TBP: variants seen among roughly 807,000 people sequenced by gnomAD.
The protein encoded by TBP is TATA-box-binding protein.
A neutral mutation model predicts 46.2 loss-of-function variants in TBP; 12 were observed. The observed-to-expected ratio is 0.26, with a 90% CI of 0.17 to 0.42. TBP has a LOEUF of 0.42. Ranked by LOEUF, TBP falls within the 10% of genes least tolerant of loss-of-function variation. The probability of loss-of-function intolerance (pLI) is 1.00; values close to 1 mark genes in which losing one functional copy is unlikely to be tolerated. For synonymous variants in TBP, 157 were observed against 148.3 expected, an observed-to-expected ratio of 1.06 and a Z score of -0.42; for missense variants, 229 against 403.1, an observed-to-expected ratio of 0.57 and a Z score of 3.70.
At chr6:170,571,558 C>G (rs1370256764) in intron 7 of TBP, 54 bp downstream of exon 7, 5 of 1,376,836 alleles carry the variant, frequency 3.6e-6, no homozygotes, top group Non-Finnish European at 5.2e-6. Flanking sequence ...TTGAGTATGG[C>G]ATTTTCTCAG....
chr6:170,566,851 G>A, intron 4 of TBP, 67 bp from the exon 5 acceptor site: 1 of 1,407,562 alleles, frequency 7.1e-7, no homozygotes, highest in East Asian at 2.3e-5. Context: ...TTGTCAATGG[G>A]TGGTTCGCCT....
rs773452147 is a variant in TBP, at chr6:170,572,315, A to T, written c.*50A>T. On this transcript the variant is annotated 3_prime_UTR_variant, in exon 8 of 8. Coordinates refer to ENST00000392092, the MANE Select transcript of TBP (RefSeq NM_003194.5). ...CCCACCCCCTTCTTTTTTTTTTTTT[A>T]AACAAATCAGTTTGTTTTGGTACCT... 182 of 1,269,016 alleles carry T rather than the reference A, an allele frequency of 1.4e-4. No homozygotes were observed. Among genetic ancestry groups the T allele is most frequent in the East Asian group, 5.2e-4 (21 of 40,666 alleles). 78.6% of individuals were successfully genotyped at this position (1,269,016 alleles called of 1,614,324 possible).
intron 1 of TBP, among the ~76,000 whole-genome samples, chr6:170,555,240 C>T (rs1018783748): frequency 6.6e-6 from 1 of 152,198 alleles, no homozygotes; most frequent in Non-Finnish European, 1.5e-5. Context: ...TCTAATCATA[C>T]TTATAATGGC....
At chr6:170,564,999 A>T (rs1290137546) in intron 4 of TBP, among the ~76,000 whole-genome samples, 1 of 152,196 alleles carries the variant, frequency 6.6e-6, no homozygotes, top group Non-Finnish European at 1.5e-5. Flanking sequence ...TCTACTAAAA[A>T]TACAAAAATT....
At chr6:170,559,053 A>G (rs779173297) in intron 2 of TBP, among the ~76,000 whole-genome samples, 13 of 152,226 alleles carry the variant, frequency 8.5e-5, no homozygotes, top group Non-Finnish European at 1.0e-4. Context: ...TTATTATTGA[A>G]TGCCATAAAC....
intron 5 of TBP, among the ~76,000 whole-genome samples, chr6:170,567,687 G>GT (rs1332808626): frequency 1.3e-5 from 2 of 152,190 alleles, no homozygotes; most frequent in Non-Finnish European, 2.9e-5. Context: ...AGCATCACAT[G>GT]TGTTGGCTGC....
chr6:170,562,871 A>T (rs1283438582), intron 3 of TBP, among the ~76,000 whole-genome samples: 2 of 152,228 alleles, frequency 1.3e-5, no homozygotes, highest in Admixed American at 6.5e-5. Flanking sequence ...TTATGACCAA[A>T]TTAAAAGGTT....
At chr6:170,569,517 T>G in intron 5 of TBP, 95 bp from the exon 6 acceptor site, 6 of 1,053,904 alleles carry the variant, frequency 5.7e-6, no homozygotes, top group Non-Finnish European at 8.1e-6. Flanking sequence ...TACACTTTAT[T>G]AGTTTACTGT....
At chr6:170,572,115 A>G (rs1162481572) in intron 7 of TBP, 71 bp from the exon 8 acceptor site, 1 of 1,240,920 alleles carries the variant, frequency 8.1e-7, no homozygotes, top group Non-Finnish European at 1.2e-6. Context: ...TTAAGGTAAG[A>G]ATTTTACCAT....
At chr6:170,563,148 A>G (rs1488263571) in intron 3 of TBP, among the ~76,000 whole-genome samples, 2 of 152,190 alleles carry the variant, frequency 1.3e-5, no homozygotes, top group Admixed American at 1.3e-4. Flanking sequence ...GATTTTAGAG[A>G]GAGCCCTTTT....
rs1020143386 is a variant in TBP at position 170,572,760 on chromosome 6, G to A, written c.*495G>A. The A allele has an allele frequency of 3.2e-5, 5 of 157,922 alleles. No homozygotes were observed. Among genetic ancestry groups the A allele is most frequent in the Admixed American group, 6.4e-5 (1 of 15,726 alleles). The allele number at this position is 157,922 out of a possible 1,614,324, so 9.8% of individuals were successfully genotyped here. A position where few individuals can be genotyped will look rare whatever the true frequency, so the allele number is the denominator to read the frequency against. On this transcript the variant is annotated 3_prime_UTR_variant, in exon 8 of 8. Transcript: ENST00000392092. ...AGACACATTCCACCTCTCCAGTATT[G>A]CAGGACAGAATATATGTGTTAATGA...
chr6:170,557,112 AG>A, intron 2 of TBP, 29 bp downstream of exon 2: 1 of 1,604,982 alleles, frequency 6.2e-7, no homozygotes, highest in Non-Finnish European at 8.5e-7. Context: ...GAGAATAGGG[AG>A]GGCGGAAATC....
chr6:170,569,884 T>G, intron 6 of TBP, 105 bp downstream of exon 6: 1 of 1,081,418 alleles, frequency 9.2e-7, no homozygotes, highest in South Asian at 1.6e-5. Flanking sequence ...TGAGAACAGT[T>G]GACATGGTTA....
At position 170,556,931 on chromosome 6, in the gene TBP, G is replaced by A. The variant is rs1315636601; in HGVS notation, c.-99G>A. The A allele has an allele frequency of 5.5e-6, 6 of 1,083,342 alleles. No homozygotes were observed. Among genetic ancestry groups the A allele is most frequent in the Non-Finnish European group, 8.4e-6 (6 of 712,658 alleles). 67.1% of individuals were successfully genotyped at this position (1,083,342 alleles called of 1,614,324 possible). A position where few individuals can be genotyped will look rare whatever the true frequency, so the allele number is the denominator to read the frequency against. On this transcript the variant is annotated 5_prime_UTR_variant, in exon 2 of 8. Transcript: ENST00000392092. ...GATAACCCAAGGAATTGAGGAAGTTGCTGAGAAGAGTGTGCTGGAGATGCT... is the reference window on the plus strand; with the variant it reads ...GATAACCCAAGGAATTGAGGAAGTTACTGAGAAGAGTGTGCTGGAGATGCT...
rs147919924 is a variant in TBP, at chr6:170,555,485, A to G, written c.-149+1022A>G. Among the ~76,000 whole-genome samples, 41 of 152,334 alleles carry G rather than the reference A, an allele frequency of 2.7e-4. No homozygotes were observed. In the East Asian group the frequency reaches 7.5e-3, roughly 28 times the overall value. On this transcript the variant is annotated intron_variant, in intron 1 of 7. Transcript: ENST00000392092. ...CATCTGCTGCAGTGACCTTCTATACAGTCATACTAAGCTTGTTGCCTGCAT... is the reference window on the plus strand; with the variant it reads ...CATCTGCTGCAGTGACCTTCTATACGGTCATACTAAGCTTGTTGCCTGCAT...
intron 7 of TBP, 152 bp from the exon 8 acceptor site, chr6:170,572,034 G>A: frequency 1.5e-6 from 1 of 676,744 alleles, no homozygotes; most frequent in Non-Finnish European, 2.6e-6. Flanking sequence ...TGTGACAAGG[G>A]ATTCCACTAT....
chr6:170,569,865 T>C, intron 6 of TBP, 86 bp downstream of exon 6: 1 of 1,280,800 alleles, frequency 7.8e-7, no homozygotes. Context: ...ATGCAAAATA[T>C]TCAGTATATG....
chr6:170,572,176 G>A lies in TBP; in HGVS notation c.941-10G>A, dbSNP rs765126059. ...CAGTCTCTCATCTCTACTCCAACTT[G>A]TCTTCTTAGGTGCTAAAGTCAGAGC... is the stretch of plus-strand genomic sequence containing the variant. On this transcript the variant is annotated splice_polypyrimidine_tract_variant and intron_variant, in intron 7 of 7. Transcript: ENST00000392092. 1.3e-5 allele frequency: 21 copies of A among 1,609,596 alleles called. No individual in the cohort carries two copies. The highest frequency in any genetic ancestry group is 1.7e-5 in the Non-Finnish European group (20 of 1,176,114).
rs774242068 is a variant in TBP at position 170,562,080 on chromosome 6, C to T, written c.344C>T (p.Ser115Leu). The change falls in exon 3 of 8, where the codon TCA (serine) becomes TTA (leucine). Residue 115 changes from serine (S) to leucine (L), a missense_variant. Around this residue, in one of 4 missense-constraint regions of TBP, gnomAD observed 69 missense variants for 66.2 expected, o/e 1.04. Coordinates refer to ENST00000392092, the MANE Select transcript of TBP (RefSeq NM_003194.5). The stretch of plus-strand genomic sequence containing the variant: ...TCCCAGCAGGCAACACAGGGAACCT[C>T]AGGCCAGGCACCACAGCTCTTCCAC... ...STSQQATQGT[S>L]GQAPQLFHSQ... The T allele has an allele frequency of 2.4e-5, 38 of 1,613,998 alleles. No homozygotes were observed. The Admixed American group carries it at 5.8e-4, about 25-fold the overall frequency.
Sources: allele counts gnomAD v4.1 joint callset (sites outside exome capture counted in the v4.1 genomes callset), GRCh38; gene constraint gnomAD v4.1.1; regional missense constraint gnomAD v4.1.1; transcripts MANE v1.5; gene names NCBI Gene and HGNC (gene_info 2026-07-23, HGNC 2026-07-21).